CNNM2: variants seen among roughly 807,000 people sequenced by gnomAD.
CNNM2 encodes metal transporter CNNM2.
In CNNM2, 12 loss-of-function variants were observed where a neutral mutation model predicts 66.9. That is an observed-to-expected ratio of 0.18 (90% CI 0.11 to 0.29). The LOEUF (loss-of-function observed/expected upper bound fraction) is 0.29, where lower values mean the gene tolerates loss of function less well. Among genes scored for constraint, CNNM2 ranks in the 10% least tolerant of loss-of-function variants. The pLI, the probability that CNNM2 is intolerant of heterozygous loss-of-function variation, is 1.00. For synonymous variants in CNNM2, 557 were observed against 501.8 expected (o/e 1.11, Z -1.47); for missense variants, 705 against 1,167.7 (o/e 0.60, Z 5.77).
intron 1 of CNNM2, chr10:102,921,046 A>T (rs923782524): frequency 2.1e-6 from 2 of 975,392 alleles, no homozygotes; most frequent in Non-Finnish European, 1.2e-6. Context: ...GTCTCCGTCA[A>T]CTCTCACCGT....
At chr10:103,014,874 A>C (rs1210022279) in intron 1 of CNNM2, among the ~76,000 whole-genome samples, 1 of 151,722 alleles carries the variant, frequency 6.6e-6, no homozygotes, top group African/African-American at 2.4e-5. Context: ...CCTGGGTGGC[A>C]GAGCACTACC....
At position 102,918,591 on chromosome 10, in the gene CNNM2, C is replaced by T. The variant is rs747012247; in HGVS notation, c.111C>T (p.Gly37=). The T allele has an allele frequency of 3.8e-6, 6 of 1,567,206 alleles. No individual in the cohort carries two copies. Among genetic ancestry groups the T allele is most frequent in the Non-Finnish European group, 5.2e-6 (6 of 1,160,174 alleles). ...MAARRSLSAR[G]RGILQAAAGR... ...CGCGCCGCAGCCTCAGCGCTCGCGG[C>T]CGGGGGATCCTGCAGGCGGCTGCGG... The change falls in exon 1 of 8, where the codon GGC becomes GGT. Residue 37 remains glycine (G), a synonymous_variant. Transcript: ENST00000369878. This position sits in a 1 kb window ranked among gnomAD's most constrained non-coding sequence, Gnocchi z 4.1.
At chr10:103,055,302 C>G (rs1280075223) in intron 3 of CNNM2, among the ~76,000 whole-genome samples, 11 of 152,248 alleles carry the variant, frequency 7.2e-5, no homozygotes, top group Admixed American at 7.2e-4. Flanking sequence ...ATGCAGTAAA[C>G]TTAAACCATG....
chr10:103,023,288 A>G (rs189317241), intron 1 of CNNM2, among the ~76,000 whole-genome samples: 7 of 152,306 alleles, frequency 4.6e-5, no homozygotes, highest in Middle Eastern at 3.4e-3. Context: ...GCAGTGGCTC[A>G]TGCCTATAAT....
At chr10:103,001,223 C>G (rs78358813) in intron 1 of CNNM2, among the ~76,000 whole-genome samples, 1,752 of 152,116 alleles carry the variant, frequency 0.012, 9 homozygotes, top group Non-Finnish European at 0.018. Flanking sequence ...TTTAGTTTTG[C>G]AGGATTAAAA....
In CNNM2 at chr10:102,919,580, A is replaced by G; in HGVS notation, c.1100A>G (p.His367Arg). ...GTGCCCCAGGCCATCTGCTCCCGGC[A>G]TGGCCTGGCTGTGGGGGCCAACACC... ...EIVPQAICSR[H>R]GLAVGANTIF... is the part of the protein sequence containing the mutation. The change falls in exon 1 of 8, where the codon CAT becomes CGT. Residue 367 changes from histidine (H) to arginine (R), a missense_variant. Physicochemically the swap from His to Arg is conservative, Grantham distance 29 (BLOSUM62 0). This residue lies in a region of CNNM2 where 49 missense variants were observed against 183.7 expected (regional missense o/e 0.27). Transcript: ENST00000369878. 1 of 1,613,590 alleles carries G rather than the reference A, an allele frequency of 6.2e-7. No homozygotes were observed. Among genetic ancestry groups the G allele is most frequent in the Non-Finnish European group, 8.5e-7 (1 of 1,180,030 alleles).
Position 103,089,960 on chromosome 10 carries a change from C to T in CNNM2, c.*12780C>T. 4 of 1,464,964 alleles carry T rather than the reference C, an allele frequency of 2.7e-6. No individual in the cohort carries two copies. The highest frequency in any genetic ancestry group is 1.8e-6 in the Non-Finnish European group (2 of 1,083,056). 90.7% of individuals were successfully genotyped at this position (1,464,964 alleles called of 1,614,324 possible). On this transcript the variant is annotated 3_prime_UTR_variant, in exon 8 of 8. Coordinates refer to ENST00000369878, the MANE Select transcript of CNNM2 (RefSeq NM_017649.5). ...GAAAGCAGGCAGAGCAAAGTAGCTACTCCCCAAATCCTAACCCCTCTCCTC... is the reference window on the plus strand; with the variant it reads ...GAAAGCAGGCAGAGCAAAGTAGCTATTCCCCAAATCCTAACCCCTCTCCTC...
At chr10:102,991,037 A>G (rs1015714578) in intron 1 of CNNM2, among the ~76,000 whole-genome samples, 1 of 152,142 alleles carries the variant, frequency 6.6e-6, no homozygotes, top group African/African-American at 2.4e-5. Context: ...CCCAGGCTGG[A>G]GTGCGGTGGT....
chr10:103,049,281 T>G (rs1055746798), intron 1 of CNNM2, among the ~76,000 whole-genome samples: 1 of 152,214 alleles, frequency 6.6e-6, no homozygotes, highest in African/African-American at 2.4e-5. Context: ...CAGTTCAAAT[T>G]TCAACACAGT....
At chr10:103,069,624 A>G (rs553217605) in intron 5 of CNNM2, among the ~76,000 whole-genome samples, 2 of 152,326 alleles carry the variant, frequency 1.3e-5, no homozygotes, top group African/African-American at 2.4e-5. Context: ...TTCTCTGAAC[A>G]CAAGATTCCA....
At chr10:103,052,374 A>G (rs1329868099) in intron 2 of CNNM2, among the ~76,000 whole-genome samples, 3 of 151,740 alleles carry the variant, frequency 2.0e-5, no homozygotes, top group African/African-American at 7.3e-5. Context: ...GCGATTTACC[A>G]TTTAGGAGAT....
rs543148851 is a variant in CNNM2, at chr10:102,996,376, G to A, written c.1622-53331G>A. On this transcript the variant is annotated intron_variant, in intron 1 of 7. Coordinates refer to ENST00000369878, the MANE Select transcript of CNNM2 (RefSeq NM_017649.5). ...TTATCAAGGCCTTTTCTTCATCAAG[G>A]CTGATGAAATTTCATACTGTTTATA... Among the ~76,000 whole-genome samples the A allele has an allele frequency of 2.0e-3, 304 of 151,826 alleles. 3 individuals carry two copies. Among genetic ancestry groups the A allele is most frequent in the African/African-American group, 7.2e-3 (297 of 41,382 alleles).
chr10:103,011,486 G>C (rs184553290), intron 1 of CNNM2, among the ~76,000 whole-genome samples: 3 of 152,002 alleles, frequency 2.0e-5, no homozygotes, highest in Non-Finnish European at 4.4e-5. Context: ...CATTGGCAAA[G>C]CAAAATAAGC....
intron 1 of CNNM2, among the ~76,000 whole-genome samples, chr10:102,935,604 A>C (rs868254275): frequency 7.1e-6 from 1 of 140,760 alleles, no homozygotes. Context: ...TTTAAAAAAA[A>C]ATTTTTTTTT....
Position 102,919,098 on chromosome 10 carries a change from G to A in CNNM2, c.618G>A (p.Gly206=). 6.2e-7 allele frequency: 1 copy of A among 1,611,320 alleles called. No individual in the cohort carries two copies. The highest frequency in any genetic ancestry group is 8.5e-7 in the Non-Finnish European group (1 of 1,179,140). ...CCGCCCTGGGCGCCGGCGGCTCGGG[G>A]TCCACGGGTGGCGCCGTCGGGGGCA... ...STPALGAGGS[G]STGGAVGGKG... The change falls in exon 1 of 8, where the codon GGG becomes GGA. Residue 206 remains glycine (G), a synonymous_variant. Coordinates refer to ENST00000369878, the MANE Select transcript of CNNM2 (RefSeq NM_017649.5).
At position 103,082,119 on chromosome 10, in the gene CNNM2, TAAGA is replaced by T. The variant is rs2065763029; in HGVS notation, c.*4944_*4947del. On this transcript the variant is annotated 3_prime_UTR_variant, in exon 8 of 8. Coordinates refer to ENST00000369878, the MANE Select transcript of CNNM2 (RefSeq NM_017649.5). The stretch of plus-strand genomic sequence containing the variant: ...ATGTACACAGATCCAACACATACTG[TAAGA>T]AAGACTTGAGTACACAAGGTTTTCA... 1 of 152,246 alleles carries T rather than the reference TAAGA, an allele frequency of 6.6e-6. No homozygotes were observed. The highest frequency in any genetic ancestry group is 1.5e-5 in the Non-Finnish European group (1 of 68,048). 9.4% of individuals were successfully genotyped at this position (152,246 alleles called of 1,614,324 possible).
At chr10:103,022,472 G>A (rs1242518861) in intron 1 of CNNM2, among the ~76,000 whole-genome samples, 3 of 152,100 alleles carry the variant, frequency 2.0e-5, no homozygotes, top group African/African-American at 7.2e-5. Context: ...ATCCTATACC[G>A]GCTTAAAAAA....
intron 1 of CNNM2, among the ~76,000 whole-genome samples, chr10:103,025,657 G>A (rs561591021): frequency 4.7e-4 from 72 of 152,274 alleles, no homozygotes; most frequent in African/African-American, 1.5e-3. Flanking sequence ...AATCACATCC[G>A]TAGTATATCT....
rs146699425 is a variant in CNNM2 at position 103,013,478 on chromosome 10, G to A, written c.1622-36229G>A. Among the ~76,000 whole-genome samples the A allele has an allele frequency of 7.1e-4, 108 of 152,232 alleles. 1 individual carries two copies. The highest frequency in any genetic ancestry group is 2.5e-3 in the African/African-American group (105 of 41,544). ...AGGAAGGGAAATCTGCTACCTGGTGGGTTAAAGCATTTTGCTTTAAAAGGT... is the reference window on the plus strand; with the variant it reads ...AGGAAGGGAAATCTGCTACCTGGTGAGTTAAAGCATTTTGCTTTAAAAGGT... On this transcript the variant is annotated intron_variant, in intron 1 of 7. Coordinates refer to ENST00000369878, the MANE Select transcript of CNNM2 (RefSeq NM_017649.5).
Sources: gnomAD v4.1 joint callset for allele counts (sites outside exome capture counted in the v4.1 genomes callset) on GRCh38, gnomAD v4.1.1 for gene constraint, gnomAD v4.1.1 regional missense constraint, Gnocchi (gnomAD v3.1) non-coding constraint, MANE v1.5 for transcripts, NCBI Gene and HGNC (gene_info 2026-07-23, HGNC 2026-07-21) for gene names.